MPO: variants seen among roughly 807,000 people sequenced by gnomAD.
MPO encodes the protein myeloperoxidase.
A neutral mutation model predicts 69.4 loss-of-function variants in MPO; 57 were observed. That is an observed-to-expected ratio of 0.82 (90% CI 0.66 to 1.02). The LOEUF is 1.02. MPO is among the 50% of genes least tolerant of loss of function. MPO has a pLI of 0.00. For missense variants in MPO, 971 were observed against 1,014.1 expected, an observed-to-expected ratio of 0.96 and a Z score of 0.58; for synonymous variants, 426 against 417.1, an observed-to-expected ratio of 1.02 and a Z score of -0.26.
rs1311254921 is a variant in MPO, at chr17:58,280,454, G to C, written c.160C>G (p.Leu54Val). 1 of 1,614,018 alleles carries C rather than the reference G, an allele frequency of 6.2e-7. No homozygotes were observed. The highest frequency in any genetic ancestry group is 1.1e-5 in the South Asian group (1 of 91,070). ...ACCAACGAGGTGTCCACCTCCCCCA[G>C]GACAGCTGCCCAGAGCAGGGATCAC... Reference protein sequence around the residue: ...QPSEGAAPAVLGEVDTSLVLS... With the variant: ...QPSEGAAPAVVGEVDTSLVLS... Residue 54 changes from leucine to valine, a missense_variant, in exon 2 of 12, where the codon CTG (leucine) becomes GTG (valine). Leu to Val is a conservative substitution (Grantham distance 32). Coordinates refer to ENST00000225275, the MANE Select transcript of MPO (RefSeq NM_000250.2).
Position 58,275,569 on chromosome 17 carries a change from G to A in MPO, c.1338C>T (p.Ala446=), listed in dbSNP as rs765291614. Reference sequence around the variant, plus strand: ...GGACCATGGCCCCCACGATCTTCCGGGCTTCCTGGTAGAGCCTCTCCCCAT... The same window carrying A: ...GGACCATGGCCCCCACGATCTTCCGAGCTTCCTGGTAGAGCCTCTCCCCAT... The part of the protein sequence containing the change: ...RWDGERLYQE[A]RKIVGAMVQI... The change falls in exon 8 of 12, where the codon GCC becomes GCT. Residue 446 remains alanine, a synonymous_variant. Transcript: ENST00000225275. This position sits in a 1 kb window ranked among gnomAD's most constrained non-coding sequence, Gnocchi z 4.1. 3.1e-6 allele frequency: 5 copies of A among 1,614,084 alleles called. No homozygotes were observed. In the South Asian group the frequency reaches 3.3e-5, roughly 11 times the overall value.
chr17:58,280,147 A>C, intron 2 of MPO, 133 bp from the exon 3 acceptor site: 1 of 1,233,586 alleles, frequency 8.1e-7, no homozygotes, highest in Non-Finnish European at 1.2e-6. Flanking sequence ...TTTTATAAAA[A>C]GGATATGGAC....
In MPO at chr17:58,280,657, T is replaced by C; in HGVS notation, c.102A>G (p.Ala34=). ...TAEMKLLLAL[A]GLLAILATPQ... ...GCGTGGCCAGAATGGCCAGGAGCCC[T>C]GCTAGGGCCAGAAGCAGCTTCATCT... Residue 34 remains alanine, a synonymous_variant, in exon 1 of 12, where the codon GCA becomes GCG. Coordinates refer to ENST00000225275, the MANE Select transcript of MPO (RefSeq NM_000250.2). The C allele has an allele frequency of 1.2e-6, 2 of 1,614,198 alleles. No individual in the cohort carries two copies.
In MPO at chr17:58,272,809, C is replaced by T. The variant is rs949631117; in HGVS notation, c.1731G>A (p.Met577Ile). The T allele has an allele frequency of 1.9e-6, 3 of 1,614,092 alleles. No homozygotes were observed. The African/African-American group carries it at 4.0e-5, about 22-fold the overall frequency. The part of the protein sequence containing the change: ...EIRERLFEQV[M>I]RIGLDLPALN... The stretch of plus-strand genomic sequence containing the variant: ...GAGCAGGCAGGTCCAGCCCAATCCT[C>T]ATGACCTGCTCAAACAATCGCTCCC... Residue 577 changes from methionine (M) to isoleucine (I), a missense_variant, in exon 10 of 12, where the codon ATG becomes ATA. Physicochemically the swap from Met to Ile is conservative, Grantham distance 10. Coordinates refer to ENST00000225275, the MANE Select transcript of MPO (RefSeq NM_000250.2).
chr17:58,270,240 A>G lies in MPO; in HGVS notation c.*416T>C, dbSNP rs981659109. ...CCCTCCAAGAAACCATGACAGATGT[A>G]ATTTACAAGGAAGAAAACTCTTGTT... On this transcript the variant is annotated 3_prime_UTR_variant, in exon 12 of 12. Transcript: ENST00000225275. This position sits in a 1 kb window ranked among gnomAD's most constrained non-coding sequence, Gnocchi z 4.1. 8 of 315,214 alleles carry G rather than the reference A, an allele frequency of 2.5e-5. No homozygotes were observed. The Admixed American group carries it at 3.5e-4, about 14-fold the overall frequency. The allele number at this position is 315,214 out of a possible 1,614,324, so 19.5% of individuals were successfully genotyped here.
At chr17:58,279,733 G>T in intron 3 of MPO, 87 bp from the exon 4 acceptor site, 2 of 1,613,232 alleles carry the variant, frequency 1.2e-6, no homozygotes, top group Non-Finnish European at 1.7e-6. Context: ...GGAGACTCCT[G>T]AGACTCCCTG....
At chr17:58,280,504 C>T (rs1457359656) in intron 1 of MPO, 45 bp from the exon 2 acceptor site, 2 of 1,613,280 alleles carry the variant, frequency 1.2e-6, no homozygotes, top group Admixed American at 1.7e-5. Context: ...GCCCCAACCC[C>T]CTATCAGGCC....
intron 4 of MPO, 28 bp from the exon 5 acceptor site, chr17:58,279,454 C>T (rs1051454681): frequency 6.2e-7 from 1 of 1,611,728 alleles, no homozygotes; most frequent in Non-Finnish European, 8.5e-7. Context: ...GCGCTGACAC[C>T]GGGAGGCTTG....
At position 58,273,469 on chromosome 17, in the gene MPO, G is replaced by T. The variant is rs376862426; in HGVS notation, c.1566C>A (p.Asn522Lys). ...AGACCCTGCTGAGGGGGACACGGGG[G>T]TTGGGTTCCATGGGCTGGTACCGAT... ...LDNRYQPMEP[N>K]PRVPLSRVFF... The change falls in exon 9 of 12, where the codon AAC becomes AAA. Residue 522 changes from asparagine (N) to lysine (K), a missense_variant. Physicochemically the swap from Asn to Lys is moderately conservative, Grantham distance 94. Coordinates refer to ENST00000225275, the MANE Select transcript of MPO (RefSeq NM_000250.2). 2.3e-5 allele frequency: 37 copies of T among 1,610,666 alleles called. 1 individual carries two copies. The South Asian group carries it at 4.0e-4, about 17-fold the overall frequency.
In MPO at chr17:58,270,044, C is replaced by A; in HGVS notation, c.*612G>T. 1 of 158,028 alleles carries A rather than the reference C, an allele frequency of 6.3e-6. No individual in the cohort carries two copies. Among genetic ancestry groups the A allele is most frequent in the Admixed American group, 6.1e-5 (1 of 16,520 alleles). 9.8% of individuals were successfully genotyped at this position (158,028 alleles called of 1,614,324 possible). The stretch of plus-strand genomic sequence containing the variant: ...TGGGCCCATAAGTCAACCACACAGC[C>A]CAGCTGCAGCTGGCTTATCCCTCCA... On this transcript the variant is annotated 3_prime_UTR_variant, in exon 12 of 12. Transcript: ENST00000225275. This position sits in a 1 kb window ranked among gnomAD's most constrained non-coding sequence, Gnocchi z 4.1.
At position 58,277,819 on chromosome 17, in the gene MPO, A is replaced by G; in HGVS notation, c.1204+8T>C. The G allele has an allele frequency of 6.2e-7, 1 of 1,601,052 alleles. No homozygotes were observed. The highest frequency in any genetic ancestry group is 1.1e-5 in the South Asian group (1 of 91,026). On this transcript the variant is annotated splice_region_variant and intron_variant, in intron 7 of 11. Coordinates refer to ENST00000225275, the MANE Select transcript of MPO (RefSeq NM_000250.2). ...TATGCCACCTCTGGTCCCCACCCCA[A>G]AGCTGACCTGCCAGGAAGCAGGGGA...
Position 58,275,403 on chromosome 17 carries a change from A to T in MPO, c.1365+139T>A. 9.4e-7 allele frequency: 1 copy of T among 1,062,592 alleles called. No individual in the cohort carries two copies. The highest frequency in any genetic ancestry group is 1.4e-6 in the Non-Finnish European group (1 of 711,478). The allele number at this position is 1,062,592 out of a possible 1,614,324, so 65.8% of individuals were successfully genotyped here. On this transcript the variant is annotated intron_variant, in intron 8 of 11. Coordinates refer to ENST00000225275, the MANE Select transcript of MPO (RefSeq NM_000250.2). The surrounding 1 kb of genome is among the most constrained non-coding windows in gnomAD (Gnocchi z 4.1). ...CTTACTATCTGAAAGGTGTTTTCAT[A>T]TATGTATTATAATCCTTACAGCCTC...
chr17:58,279,680 C>T (rs970965318), intron 3 of MPO, 34 bp from the exon 4 acceptor site: 5 of 1,613,880 alleles, frequency 3.1e-6, no homozygotes, highest in Non-Finnish European at 3.4e-6. Context: ...GGAGCTGAGC[C>T]GCCTCACTTC....
Position 58,271,855 on chromosome 17 carries a change from C to A in MPO, c.1830G>T (p.Gln610His). ...TGCCCAGCTGGCCCACAGTTTCAGG[C>A]TGCGGGAGCCCACAGAAGCGCCTCC... ...NAWRRFCGLP[Q>H]PETVGQLGTV... The change falls in exon 11 of 12, where the codon CAG becomes CAT. Residue 610 changes from glutamine (Q) to histidine (H), a missense_variant. Physicochemically the swap from Gln to His is conservative, Grantham distance 24. Transcript: ENST00000225275. 6.2e-7 allele frequency: 1 copy of A among 1,614,166 alleles called. No individual in the cohort carries two copies. The highest frequency in any genetic ancestry group is 8.5e-7 in the Non-Finnish European group (1 of 1,180,052).
In MPO at chr17:58,279,222, A is replaced by C. The variant is rs1399817600; in HGVS notation, c.679-8T>G. ...GTTGGAGACCGCGCGAGCCTGCGGG[A>C]CACGGAGATCAGCTGGCGCCTGGGT... On this transcript the variant is annotated splice_polypyrimidine_tract_variant and splice_region_variant and intron_variant, in intron 5 of 11. Transcript: ENST00000225275. The C allele has an allele frequency of 3.8e-6, 6 of 1,596,406 alleles. No homozygotes were observed. The highest frequency in any genetic ancestry group is 5.1e-6 in the Non-Finnish European group (6 of 1,171,564).
Position 58,275,557 on chromosome 17 carries a change from C to A in MPO, c.1350G>T (p.Val450=), listed in dbSNP as rs1970425399. The change falls in exon 8 of 12, where the codon GTG becomes GTT. Residue 450 remains valine, a synonymous_variant. Coordinates refer to ENST00000225275, the MANE Select transcript of MPO (RefSeq NM_000250.2). This position sits in a 1 kb window ranked among gnomAD's most constrained non-coding sequence, Gnocchi z 4.1. ...GACGGCCTACCTGGACCATGGCCCC[C>A]ACGATCTTCCGGGCTTCCTGGTAGA... ...ERLYQEARKI[V]GAMVQIITYR... is the part of the protein sequence containing the mutation. The A allele has an allele frequency of 1.2e-6, 2 of 1,614,178 alleles. No homozygotes were observed. Among genetic ancestry groups the A allele is most frequent in the East Asian group, 2.2e-5 (1 of 44,878 alleles).
intron 10 of MPO, 26 bp from the exon 11 acceptor site, chr17:58,271,918 T>C (rs1970370244): frequency 1.9e-6 from 3 of 1,609,858 alleles, no homozygotes; most frequent in African/African-American, 1.3e-5. Context: ...GACAGGTGGC[T>C]ATGGGCAGGT....
Position 58,275,536 on chromosome 17 carries a change from G to A in MPO, c.1365+6C>T, listed in dbSNP as rs1184463195. 6.2e-7 allele frequency: 1 copy of A among 1,614,144 alleles called. No individual in the cohort carries two copies. The highest frequency in any genetic ancestry group is 1.1e-5 in the South Asian group (1 of 91,082). On this transcript the variant is annotated splice_donor_region_variant and intron_variant, in intron 8 of 11. Transcript: ENST00000225275. This position sits in a 1 kb window ranked among gnomAD's most constrained non-coding sequence, Gnocchi z 4.1. ...TCCCGTGTGCCCGGTGTTCAAGACGGCCTACCTGGACCATGGCCCCCACGA... is the reference window on the plus strand; with the variant it reads ...TCCCGTGTGCCCGGTGTTCAAGACGACCTACCTGGACCATGGCCCCCACGA...
chr17:58,271,710 G>A lies in MPO; in HGVS notation c.1975C>T (p.Pro659Ser). ...GTACCGATGATGCAGGCGAGGAGTG[G>A]GCCCACGCGGCCTTTGCGCTTCAGA... ...EPLKRKGRVGPLLACIIGTQF... is the reference protein window; with the variant it reads ...EPLKRKGRVGSLLACIIGTQF... Residue 659 changes from proline to serine, a missense_variant, in exon 11 of 12, where the codon CCA (proline) becomes TCA (serine). Coordinates refer to ENST00000225275, the MANE Select transcript of MPO (RefSeq NM_000250.2). The A allele has an allele frequency of 2.5e-6, 4 of 1,613,952 alleles. No individual in the cohort carries two copies. Among genetic ancestry groups the A allele is most frequent in the Non-Finnish European group, 3.4e-6 (4 of 1,180,020 alleles).
Sources: allele counts gnomAD v4.1 joint callset, GRCh38; gene constraint gnomAD v4.1.1; non-coding constraint Gnocchi (gnomAD v3.1); transcripts MANE v1.5; gene names NCBI Gene and HGNC (gene_info 2026-07-23, HGNC 2026-07-21).